The following CDON variants were observed in gnomAD, a reference collection of about 807,000 sequenced individuals.
CDON encodes cell adhesion molecule-related/down-regulated by oncogenes.
In CDON, 73 loss-of-function variants were observed where a neutral mutation model predicts 120.9. The ratio of observed to expected loss-of-function variants is 0.60; its 90% CI spans 0.50 to 0.73. The LOEUF is 0.73. Among genes scored for constraint, CDON ranks in the 30% least tolerant of loss-of-function variants. The pLI, the probability that CDON is intolerant of heterozygous loss-of-function variation, is 0.00. For synonymous variants in CDON, 566 were observed against 573.5 expected (o/e 0.99, Z 0.19); for missense variants, 1,470 against 1,587.3 (o/e 0.93, Z 1.26).
intron 1 of CDON, among the ~76,000 whole-genome samples, chr11:126,038,500 A>C (rs528255197): frequency 6.6e-6 from 1 of 151,982 alleles, no homozygotes; most frequent in Non-Finnish European, 1.5e-5. Flanking sequence ...AAAAATACAA[A>C]AATTAGCTGG....
chr11:125,996,795 T>A (rs1946800063), intron 12 of CDON, among the ~76,000 whole-genome samples: 1 of 151,610 alleles, frequency 6.6e-6, no homozygotes, highest in South Asian at 2.1e-4. Context: ...TGACTTATTC[T>A]CTTCTTTATA....
Position 125,984,008 on chromosome 11 carries a change from C to T in CDON, c.2859G>A (p.Gly953=), listed in dbSNP as rs139149075. The T allele has an allele frequency of 1.9e-6, 3 of 1,613,992 alleles. No individual in the cohort carries two copies. The East Asian group carries it at 6.7e-5, about 36-fold the overall frequency. The part of the protein sequence containing the change: ...PNSLGSGGNV[G]PATSPARSSD... ...TGCTTCTGGCAGGGCTGGTTGCAGG[C>T]CCCACATTTCCTCCACTTCCCAAAG... The change falls in exon 16 of 20, where the codon GGG becomes GGA. Residue 953 remains glycine, a synonymous_variant. Transcript: ENST00000531738.
chr11:126,042,493 A>G (rs1948287802), intron 1 of CDON, among the ~76,000 whole-genome samples: 1 of 152,248 alleles, frequency 6.6e-6, no homozygotes, highest in South Asian at 2.1e-4. Flanking sequence ...GTGCAGAAAC[A>G]TATATTTTTT....
At chr11:126,032,866 G>C (rs757089216) in intron 1 of CDON, among the ~76,000 whole-genome samples, 2 of 152,082 alleles carry the variant, frequency 1.3e-5, no homozygotes, top group Non-Finnish European at 2.9e-5. Context: ...AAATTATCCA[G>C]GTGTGGTGGT....
intron 15 of CDON, 130 bp from the exon 16 acceptor site, chr11:125,984,223 C>T (rs140692876): frequency 1.4e-5 from 10 of 708,894 alleles, no homozygotes; most frequent in Non-Finnish European, 2.5e-5. Context: ...GATGACCTGA[C>T]CACCAATGAG....
intron 8 of CDON, among the ~76,000 whole-genome samples, chr11:126,010,042 G>A (rs866343968): frequency 1.3e-5 from 2 of 152,006 alleles, no homozygotes; most frequent in Non-Finnish European, 1.5e-5. Flanking sequence ...TATCATTTTC[G>A]GTAGCTTAGA....
chr11:125,997,059 C>G lies in CDON; in HGVS notation c.2362+148G>C, dbSNP rs139410079. 38 of 702,210 alleles carry G rather than the reference C, an allele frequency of 5.4e-5. No homozygotes were observed. The African/African-American group carries it at 5.6e-4, about 10-fold the overall frequency. 43.5% of individuals were successfully genotyped at this position (702,210 alleles called of 1,614,324 possible). A position where few individuals can be genotyped will look rare whatever the true frequency, so the allele number is the denominator to read the frequency against. ...AGGCACGGTGGTGAGTGCCTGTAGTCTCAGCTACTTGGGAGGCTGAGGTAA... is the reference window on the plus strand; with the variant it reads ...AGGCACGGTGGTGAGTGCCTGTAGTGTCAGCTACTTGGGAGGCTGAGGTAA... On this transcript the variant is annotated intron_variant, in intron 12 of 19. Coordinates refer to ENST00000531738, the MANE Select transcript of CDON (RefSeq NM_001378964.1).
At position 126,023,540 on chromosome 11, in the gene CDON, A is replaced by G. The variant is rs752354548; in HGVS notation, c.-61-3T>C. On this transcript the variant is annotated splice_polypyrimidine_tract_variant and splice_region_variant and intron_variant, in intron 1 of 19. Transcript: ENST00000531738. Reference sequence around the variant, plus strand: ...AGCAAAACCCAGTCCTTGGTTCACTAAAAAAGAAAAAGGAAAGAAAATCTA... The same window carrying G: ...AGCAAAACCCAGTCCTTGGTTCACTGAAAAAGAAAAAGGAAAGAAAATCTA... 1 of 1,168,570 alleles carries G rather than the reference A, an allele frequency of 8.6e-7. No individual in the cohort carries two copies. The highest frequency in any genetic ancestry group is 1.3e-6 in the Non-Finnish European group (1 of 774,638). 72.4% of individuals were successfully genotyped at this position (1,168,570 alleles called of 1,614,324 possible).
intron 4 of CDON, 21 bp from the exon 5 acceptor site, chr11:126,018,494 A>G (rs1252519790): frequency 5.0e-6 from 8 of 1,609,576 alleles, no homozygotes; most frequent in Non-Finnish European, 6.8e-6. Flanking sequence ...AAGGGAGTGC[A>G]GTTAGGCCTC....
chr11:126,015,651 T>C lies in CDON; in HGVS notation c.929-141A>G, dbSNP rs1413800418. On this transcript the variant is annotated intron_variant, in intron 6 of 19. Transcript: ENST00000531738. The stretch of plus-strand genomic sequence containing the variant: ...TTTATTCACATTCTTCTGTCTGCTG[T>C]GGTAATCAAGAAAAAAATTAGAAAT... The C allele has an allele frequency of 7.9e-6, 7 of 882,718 alleles. No individual in the cohort carries two copies. In the East Asian group the frequency reaches 1.8e-4, roughly 23 times the overall value. 54.7% of individuals were successfully genotyped at this position (882,718 alleles called of 1,614,324 possible).
At chr11:126,024,645 C>G (rs79264029) in intron 1 of CDON, among the ~76,000 whole-genome samples, 7,168 of 152,284 alleles carry the variant, frequency 0.047, 237 homozygotes, top group Middle Eastern at 0.078. Context: ...AGACATCCAA[C>G]TACTACTGTC....
chr11:125,979,846 A>C (rs1946245895), intron 17 of CDON, among the ~76,000 whole-genome samples: 2 of 152,236 alleles, frequency 1.3e-5, no homozygotes, highest in Non-Finnish European at 2.9e-5. Context: ...AAAATAGTGA[A>C]ATCATGATTC....
At chr11:126,062,136 C>T (rs1018128312) in intron 1 of CDON, among the ~76,000 whole-genome samples, 3 of 152,168 alleles carry the variant, frequency 2.0e-5, no homozygotes, top group Admixed American at 2.0e-4. Context: ...GAGAAAGATA[C>T]ATTGTGCAGG....
intron 18 of CDON, among the ~76,000 whole-genome samples, chr11:125,966,519 T>C (rs1310037512): frequency 6.6e-6 from 1 of 152,034 alleles, no homozygotes; most frequent in Non-Finnish European, 1.5e-5. Flanking sequence ...CTGGAGTCTC[T>C]CTGCAGGGGG....
At position 126,015,227 on chromosome 11, in the gene CDON, AC is replaced by A; in HGVS notation, c.1198+13del. 1 of 1,613,396 alleles carries A rather than the reference AC, an allele frequency of 6.2e-7. No individual in the cohort carries two copies. The highest frequency in any genetic ancestry group is 8.5e-7 in the Non-Finnish European group (1 of 1,179,328). ...AATAAAAGTTCTTATGACTGGCACG[AC>A]CTAAAAGCCTACCATTTTCAATTTC... On this transcript the variant is annotated intron_variant, in intron 7 of 19. Transcript: ENST00000531738.
chr11:126,024,699 T>C (rs963381160), intron 1 of CDON, among the ~76,000 whole-genome samples: 1 of 152,136 alleles, frequency 6.6e-6, no homozygotes, highest in African/African-American at 2.4e-5. Flanking sequence ...TAGGAAGAAG[T>C]CAGAGCTGGA....
chr11:126,049,608 TTAA>T (rs1239426195), intron 1 of CDON, among the ~76,000 whole-genome samples: 1 of 152,196 alleles, frequency 6.6e-6, no homozygotes, highest in African/African-American at 2.4e-5. Flanking sequence ...TTAGCTATCA[TTAA>T]ATGCCAAAAC....
At position 125,989,752 on chromosome 11, in the gene CDON, C is replaced by G. The variant is rs1946576257; in HGVS notation, c.2658G>C (p.Lys886Asn). ...DYKRDVVEGS[K>N]QWHMIGHLQP... ...GCAGGTGGCCAATCATGTGCCACTG[C>G]TTTGAACCTAAAAGGAAAAATAAAA... Residue 886 changes from lysine to asparagine, a missense_variant, in exon 15 of 20, where the codon AAG (lysine) becomes AAC (asparagine). Lys to Asn is a moderately conservative substitution (Grantham distance 94). Coordinates refer to ENST00000531738, the MANE Select transcript of CDON (RefSeq NM_001378964.1). 6.2e-7 allele frequency: 1 copy of G among 1,612,676 alleles called. No individual in the cohort carries two copies. Among genetic ancestry groups the G allele is most frequent in the Non-Finnish European group, 8.5e-7 (1 of 1,179,054 alleles).
At chr11:126,000,852 G>A (rs918136615) in intron 11 of CDON, among the ~76,000 whole-genome samples, 3 of 152,080 alleles carry the variant, frequency 2.0e-5, no homozygotes, top group Non-Finnish European at 1.5e-5. Context: ...TCAGAGCTTA[G>A]CAATGAAATT....
Sources: allele counts gnomAD v4.1 joint callset (sites outside exome capture counted in the v4.1 genomes callset), GRCh38; gene constraint gnomAD v4.1.1; transcripts MANE v1.5; gene names NCBI Gene and HGNC (gene_info 2026-07-23, HGNC 2026-07-21).